The following PALLD variants were observed in gnomAD, a reference collection of about 807,000 sequenced individuals.
The protein encoded by PALLD is palladin, cytoskeletal associated protein, also known as palladin.
In PALLD, 61 loss-of-function variants were observed where a neutral mutation model predicts 123.5. The ratio of observed to expected loss-of-function variants is 0.49; its 90% CI spans 0.40 to 0.61. The LOEUF is 0.61. Among genes scored for constraint, PALLD ranks in the 20% least tolerant of loss-of-function variants. The pLI is 0.00. For synonymous variants in PALLD, 465 were observed against 496.4 expected, an observed-to-expected ratio of 0.94 and a Z score of 0.84; for missense variants, 1,273 against 1,377.0, an observed-to-expected ratio of 0.92 and a Z score of 1.20.
intron 2 of PALLD, among the ~76,000 whole-genome samples, chr4:168,584,838 C>A (rs1770651112): frequency 6.6e-6 from 1 of 152,116 alleles, no homozygotes; most frequent in South Asian, 2.1e-4. Flanking sequence ...TGTATATTTT[C>A]TTTCATTCAT....
intron 2 of PALLD, among the ~76,000 whole-genome samples, chr4:168,554,805 T>C (rs1278149439): frequency 6.6e-6 from 1 of 152,168 alleles, no homozygotes; most frequent in African/African-American, 2.4e-5. Context: ...TAATCAGCTT[T>C]CAGGTTATCT....
intron 10 of PALLD, among the ~76,000 whole-genome samples, chr4:168,754,560 C>T (rs1277643016): frequency 6.6e-6 from 1 of 152,172 alleles, no homozygotes; most frequent in Non-Finnish European, 1.5e-5. Flanking sequence ...TCTGGTGCTT[C>T]TTAAGCTCAT....
At chr4:168,682,914 A>G in intron 4 of PALLD, 84 bp from the exon 5 acceptor site, 1 of 775,512 alleles carries the variant, frequency 1.3e-6, no homozygotes, top group Non-Finnish European at 2.2e-6. Flanking sequence ...AAACGTTTCA[A>G]GGAATTATTT....
chr4:168,772,571 C>T (rs1181613012), intron 10 of PALLD, among the ~76,000 whole-genome samples: 1 of 152,152 alleles, frequency 6.6e-6, no homozygotes, highest in African/African-American at 2.4e-5. Flanking sequence ...AAGTTGAAAG[C>T]TTATAAATAG....
chr4:168,665,764 A>G (rs543907173), intron 2 of PALLD, among the ~76,000 whole-genome samples: 22 of 152,296 alleles, frequency 1.4e-4, no homozygotes, highest in African/African-American at 5.3e-4. Flanking sequence ...ACAAGCTTCC[A>G]GGTGATGCTG....
chr4:168,525,194 T>C (rs1228566344), intron 2 of PALLD, among the ~76,000 whole-genome samples: 1 of 152,178 alleles, frequency 6.6e-6, no homozygotes, highest in Non-Finnish European at 1.5e-5. Context: ...AACCACACTT[T>C]AGTTCAAGTG....
intron 15 of PALLD, among the ~76,000 whole-genome samples, chr4:168,908,230 C>T (rs1286750075): frequency 6.6e-6 from 1 of 152,142 alleles, no homozygotes; most frequent in Admixed American, 6.5e-5. Context: ...GATATAAGTT[C>T]TGTGAGTCAT....
chr4:168,758,829 G>T (rs1331441529), intron 10 of PALLD, among the ~76,000 whole-genome samples: 1 of 151,852 alleles, frequency 6.6e-6, no homozygotes, highest in Non-Finnish European at 1.5e-5. Flanking sequence ...CTACATGCTA[G>T]ACTCACAGAT....
intron 2 of PALLD, among the ~76,000 whole-genome samples, chr4:168,659,238 A>G (rs1023996438): frequency 1.3e-5 from 2 of 152,250 alleles, no homozygotes; most frequent in African/African-American, 4.8e-5. Context: ...AGTTCGTGGC[A>G]GACCACTGCC....
chr4:168,927,909 A>ATCTT lies in PALLD; in HGVS notation c.*1732_*1735dup, dbSNP rs1762757878. On this transcript the variant is annotated 3_prime_UTR_variant, in exon 22 of 22. Coordinates refer to ENST00000505667, the MANE Select transcript of PALLD (RefSeq NM_001166108.2). ...TGTATTCCTTATGCAAAACACATGT[A>ATCTT]TCTTTCATTATTTATAAGTGGCCTC... 1.5e-5 allele frequency: 3 copies of ATCTT among 201,816 alleles called. No homozygotes were observed. In the South Asian group the frequency reaches 5.7e-4, roughly 38 times the overall value. The allele number at this position is 201,816 out of a possible 1,614,324, so 12.5% of individuals were successfully genotyped here. A position where few individuals can be genotyped will look rare whatever the true frequency, so the allele number is the denominator to read the frequency against.
At position 168,718,486 on chromosome 4, in the gene PALLD, G is replaced by A. The variant is rs185563768; in HGVS notation, c.1964+6563G>A. Among the ~76,000 whole-genome samples the A allele has an allele frequency of 5.3e-4, 81 of 152,004 alleles. 1 individual carries two copies. The highest frequency in any genetic ancestry group is 1.9e-3 in the African/African-American group (77 of 41,482). On this transcript the variant is annotated intron_variant, in intron 10 of 21. Coordinates refer to ENST00000505667, the MANE Select transcript of PALLD (RefSeq NM_001166108.2). Reference sequence around the variant, plus strand: ...TGCAACCTGTAGACTTAAATCATCCGTAATTTCCATGGAATTTCATGTATG... The same window carrying A: ...TGCAACCTGTAGACTTAAATCATCCATAATTTCCATGGAATTTCATGTATG...
intron 10 of PALLD, among the ~76,000 whole-genome samples, chr4:168,886,421 C>A (rs1753337800): frequency 6.6e-6 from 1 of 152,110 alleles, no homozygotes; most frequent in South Asian, 2.1e-4. Context: ...GCAGGAAGAT[C>A]CCTTGAGCCC....
intron 2 of PALLD, among the ~76,000 whole-genome samples, chr4:168,527,677 C>T (rs924148041): frequency 6.6e-6 from 1 of 152,088 alleles, no homozygotes; most frequent in Admixed American, 6.5e-5. Context: ...GCTCCATTAT[C>T]CTCTGACTCA....
intron 10 of PALLD, among the ~76,000 whole-genome samples, chr4:168,829,899 A>G (rs1205202687): frequency 6.6e-6 from 1 of 152,228 alleles, no homozygotes; most frequent in African/African-American, 2.4e-5. Context: ...TATTATCCCC[A>G]GAAAGATGAC....
intron 2 of PALLD, among the ~76,000 whole-genome samples, chr4:168,519,129 G>A (rs1478413756): frequency 6.6e-6 from 1 of 152,126 alleles, no homozygotes; most frequent in Non-Finnish European, 1.5e-5. Flanking sequence ...TCAGGCTTAC[G>A]GATGTAGTAG....
Position 168,511,691 on chromosome 4 carries a change from G to A in PALLD, c.187G>A (p.Glu63Lys), listed in dbSNP as rs773400977. ...AACAGAAGATTTTGACTCGGAAAAG[G>A]AGATCTCGCAGATTTTCAGTACTTC... ...SETEDFDSEK[E>K]ISQIFSTSPA... is the part of the protein sequence containing the mutation. Residue 63 changes from glutamate (E) to lysine (K), a missense_variant, in exon 2 of 22, where the codon GAG becomes AAG. By Grantham distance (56) the Glu-to-Lys change is moderately conservative (BLOSUM62 1). This residue lies in a region of PALLD where 944 missense variants were observed against 954.5 expected (regional missense o/e 0.99). Transcript: ENST00000505667. 6.2e-7 allele frequency: 1 copy of A among 1,614,178 alleles called. No homozygotes were observed. Among genetic ancestry groups the A allele is most frequent in the South Asian group, 1.1e-5 (1 of 91,084 alleles).
chr4:168,774,483 T>G (rs1389274683), intron 10 of PALLD, among the ~76,000 whole-genome samples: 1 of 152,104 alleles, frequency 6.6e-6, no homozygotes, highest in Non-Finnish European at 1.5e-5. Flanking sequence ...ATCCCAGCAC[T>G]TTGGGAGGCC....
chr4:168,540,045 A>G (rs922722095), intron 2 of PALLD, among the ~76,000 whole-genome samples: 1 of 151,976 alleles, frequency 6.6e-6, no homozygotes, highest in Non-Finnish European at 1.5e-5. Context: ...GATGTAAACC[A>G]ACTATAGTGT....
chr4:168,913,698 T>C (rs1235202534), intron 15 of PALLD, among the ~76,000 whole-genome samples: 1 of 151,038 alleles, frequency 6.6e-6, no homozygotes, highest in Non-Finnish European at 1.5e-5. Context: ...TATTTAAGAG[T>C]TCCAAAAAAA....
Sources: gnomAD v4.1 joint callset for allele counts (sites outside exome capture counted in the v4.1 genomes callset) on GRCh38, gnomAD v4.1.1 for gene constraint, gnomAD v4.1.1 regional missense constraint, MANE v1.5 for transcripts, NCBI Gene and HGNC (gene_info 2026-07-23, HGNC 2026-07-21) for gene names.